The following GIGYF2 variants were observed in gnomAD, a reference collection of about 807,000 sequenced individuals.
The protein encoded by GIGYF2 is GRB10 interacting GYF protein 2.
Under a neutral mutation model 208.1 loss-of-function variants are expected in GIGYF2, and 25 were observed. The ratio of observed to expected loss-of-function variants is 0.12; its 90% confidence interval spans 0.09 to 0.17. The LOEUF is 0.17. GIGYF2 is among the 10% of genes least tolerant of loss of function. GIGYF2 has a pLI of 1.00. For synonymous variants in GIGYF2, 534 were observed against 543.8 expected, an observed-to-expected ratio of 0.98 and a Z score of 0.25; for missense variants, 1,302 against 1,579.4, an observed-to-expected ratio of 0.82 and a Z score of 2.98.
At chr2:232,794,152 T>G (rs1700152724) in intron 12 of GIGYF2, among the ~76,000 whole-genome samples, 1 of 152,206 alleles carries the variant, frequency 6.6e-6, no homozygotes, top group African/African-American at 2.4e-5. Context: ...CTTTTCCTTC[T>G]TAAGAACCTG....
intron 2 of GIGYF2, among the ~76,000 whole-genome samples, chr2:232,728,891 G>A (rs1222622555): frequency 6.6e-6 from 1 of 152,020 alleles, no homozygotes; most frequent in Non-Finnish European, 1.5e-5. Flanking sequence ...CCAGAGTCTG[G>A]TTCAAATCCT....
At chr2:232,764,554 G>T (rs1197328192) in intron 8 of GIGYF2, 1 of 152,380 alleles carries the variant, frequency 6.6e-6, no homozygotes, top group Non-Finnish European at 1.5e-5. Flanking sequence ...GAGTGGGGAG[G>T]AGGGCTTATA....
intron 2 of GIGYF2, among the ~76,000 whole-genome samples, chr2:232,717,022 C>G (rs1266736205): frequency 1.3e-5 from 2 of 151,834 alleles, no homozygotes; most frequent in Non-Finnish European, 2.9e-5. Context: ...CCATGTTGCC[C>G]AGGCTGGTCT....
chr2:232,709,422 A>G (rs925178661), intron 2 of GIGYF2, among the ~76,000 whole-genome samples: 2 of 152,208 alleles, frequency 1.3e-5, no homozygotes, highest in African/African-American at 2.4e-5. Flanking sequence ...CTCCTGAGCT[A>G]AAGTGATTCT....
chr2:232,843,288 G>A (rs958776954), intron 23 of GIGYF2, among the ~76,000 whole-genome samples: 8 of 151,908 alleles, frequency 5.3e-5, no homozygotes, highest in East Asian at 1.9e-4. Flanking sequence ...GGCCAGGCTC[G>A]GTGGCTCACT....
chr2:232,770,942 G>T, intron 8 of GIGYF2: 1 of 1,613,918 alleles, frequency 6.2e-7, no homozygotes, highest in Non-Finnish European at 8.5e-7. Context: ...AGGAGCATTT[G>T]TATGGCAAGT....
chr2:232,745,793 G>C (rs1698129702), intron 3 of GIGYF2, among the ~76,000 whole-genome samples: 2 of 152,150 alleles, frequency 1.3e-5, no homozygotes, highest in African/African-American at 4.8e-5. Flanking sequence ...ATCACAATGT[G>C]TGCCTCTTGA....
At chr2:232,820,656 G>A (rs977168720) in intron 21 of GIGYF2, among the ~76,000 whole-genome samples, 5 of 152,026 alleles carry the variant, frequency 3.3e-5, no homozygotes, top group African/African-American at 1.2e-4. Context: ...TTCATGTATG[G>A]TATGAGATGA....
chr2:232,786,975 C>T (rs184918378), intron 8 of GIGYF2, among the ~76,000 whole-genome samples, 175 bp from the exon 9 acceptor site: 1 of 152,172 alleles, frequency 6.6e-6, no homozygotes, highest in East Asian at 1.9e-4. Context: ...CTGAACATGG[C>T]TTTAAGAAAT....
At chr2:232,716,474 G>C (rs1037350105) in intron 2 of GIGYF2, among the ~76,000 whole-genome samples, 1 of 144,800 alleles carries the variant, frequency 6.9e-6, no homozygotes, top group Non-Finnish European at 1.5e-5. Context: ...CACCTCCCGC[G>C]TTCAAGCAAT....
intron 14 of GIGYF2, among the ~76,000 whole-genome samples, chr2:232,797,194 G>A (rs115832348): frequency 0.011 from 1,749 of 152,168 alleles, 21 homozygotes; most frequent in Non-Finnish European, 0.015. Flanking sequence ...TGGTGTGTAA[G>A]TTCGATTAGA....
intron 2 of GIGYF2, among the ~76,000 whole-genome samples, chr2:232,721,084 A>G (rs1379098749): frequency 6.6e-6 from 1 of 152,212 alleles, no homozygotes; most frequent in Non-Finnish European, 1.5e-5. Flanking sequence ...TCTCAGAACT[A>G]ACAATATTTT....
In GIGYF2 at chr2:232,860,012, C is replaced by G. The variant is rs539554791; in HGVS notation, c.*3152C>G. 6.6e-6 allele frequency: 1 copy of G among 152,218 alleles called. No individual in the cohort carries two copies. Among genetic ancestry groups the G allele is most frequent in the African/African-American group, 2.4e-5 (1 of 41,440 alleles). 9.4% of individuals were successfully genotyped at this position (152,218 alleles called of 1,614,324 possible). ...CCCTCTCCCTGCAACCCCCTCCCCC[C>G]CCGCCTTGATGAAAGGAGTGACAAG... On this transcript the variant is annotated 3_prime_UTR_variant, in exon 29 of 29. Transcript: ENST00000373563.
At chr2:232,704,306 G>C (rs1192588901) in intron 2 of GIGYF2, among the ~76,000 whole-genome samples, 2 of 152,162 alleles carry the variant, frequency 1.3e-5, no homozygotes, top group East Asian at 3.8e-4. Flanking sequence ...CGATTTATCT[G>C]TTCTAAAGAG....
In GIGYF2 at chr2:232,788,867, A is replaced by C. The variant is rs1227100735; in HGVS notation, c.712+1538A>C. 4.0e-5 allele frequency among the ~76,000 whole-genome samples: 6 copies of C among 151,606 alleles called. No homozygotes were observed. The East Asian group carries it at 1.2e-3, about 29-fold the overall frequency. On this transcript the variant is annotated intron_variant, in intron 9 of 28. Coordinates refer to ENST00000373563, the MANE Select transcript of GIGYF2 (RefSeq NM_001103146.3). Reference sequence around the variant, plus strand: ...TGAAATCCATATATTTTTAAAAGACAGTTTGGGGGATATAAAGATCCCCCA... The same window carrying C: ...TGAAATCCATATATTTTTAAAAGACCGTTTGGGGGATATAAAGATCCCCCA...
chr2:232,855,342 C>T (rs73007497), intron 28 of GIGYF2, among the ~76,000 whole-genome samples: 7 of 152,312 alleles, frequency 4.6e-5, no homozygotes, highest in Non-Finnish European at 1.0e-4. Context: ...CCCACCTCGG[C>T]CTCCAGTGTG....
chr2:232,820,978 G>T (rs1434925145), intron 21 of GIGYF2, among the ~76,000 whole-genome samples: 1 of 151,840 alleles, frequency 6.6e-6, no homozygotes, highest in African/African-American at 2.4e-5. Flanking sequence ...CTGCAGGCAG[G>T]CATCACCACG....
In GIGYF2 at chr2:232,734,163, C is replaced by A. The variant is rs1697631261; in HGVS notation, c.-43-992C>A. Among the ~76,000 whole-genome samples, 3 of 145,520 alleles carry A rather than the reference C, an allele frequency of 2.1e-5. No individual in the cohort carries two copies. In the South Asian group the frequency reaches 6.6e-4, roughly 32 times the overall value. ...TGGAGTCTCACTATGTTGCCCAATC[C>A]AGTCTTGAACTCCTGGGCCCAAGCC... is the stretch of plus-strand genomic sequence containing the variant. On this transcript the variant is annotated intron_variant, in intron 2 of 28. Coordinates refer to ENST00000373563, the MANE Select transcript of GIGYF2 (RefSeq NM_001103146.3).
At chr2:232,735,834 C>G (rs1175614036) in intron 3 of GIGYF2, 5 of 985,110 alleles carry the variant, frequency 5.1e-6, no homozygotes, top group Admixed American at 1.2e-4. Context: ...TGGCTTCCCC[C>G]CCTCCCCTCC....
Sources: allele counts gnomAD v4.1 joint callset (sites outside exome capture counted in the v4.1 genomes callset), GRCh38; gene constraint gnomAD v4.1.1; transcripts MANE v1.5; gene names NCBI Gene and HGNC (gene_info 2026-07-23, HGNC 2026-07-21).